The following CSMD1 variants were observed in gnomAD, a reference collection of about 807,000 sequenced individuals.
CSMD1 encodes CUB and Sushi multiple domains 1, also known as CUB and sushi domain-containing protein 1.
In CSMD1, 213 loss-of-function variants were observed where a neutral mutation model predicts 417.5. That is an observed-to-expected ratio of 0.51 (90% CI 0.46 to 0.57). The LOEUF (loss-of-function observed/expected upper bound fraction) is 0.57. Ranked by LOEUF, CSMD1 falls within the 20% of genes least tolerant of loss-of-function variation. The pLI is 0.00. For synonymous variants in CSMD1, 2,862 were observed against 1,736.8 expected, an observed-to-expected ratio of 1.65 and a Z score of -16.11; for missense variants, 6,923 against 4,529.7, an observed-to-expected ratio of 1.53 and a Z score of -15.17.
intron 50 of CSMD1, among the ~76,000 whole-genome samples, chr8:3,048,453 C>T (rs568173613): frequency 2.2e-4 from 34 of 152,156 alleles, no homozygotes; most frequent in African/African-American, 7.0e-4. Flanking sequence ...CAATGAACTT[C>T]GAGCAGAAGA....
chr8:3,981,881 T>C (rs1050486175), intron 5 of CSMD1, among the ~76,000 whole-genome samples: 4 of 152,082 alleles, frequency 2.6e-5, no homozygotes, highest in Non-Finnish European at 5.9e-5. Context: ...ATCTGTGAAG[T>C]TTCCTGTCAT....
rs114566732 is a variant in CSMD1 at position 4,587,124 on chromosome 8, G to A, written c.302+50218C>T. On this transcript the variant is annotated intron_variant, in intron 2 of 69. Transcript: ENST00000635120. ...CTACAGAGGCCAATAGATTAGGTGCGCTCTCTTCTTCCACATTGATTTTTC... is the reference window on the plus strand; with the variant it reads ...CTACAGAGGCCAATAGATTAGGTGCACTCTCTTCTTCCACATTGATTTTTC... 4.1e-3 allele frequency among the ~76,000 whole-genome samples: 617 copies of A among 152,134 alleles called. 7 individuals are homozygous for A. The highest frequency in any genetic ancestry group is 0.014 in the African/African-American group (586 of 41,526).
chr8:4,371,607 T>C lies in CSMD1; in HGVS notation c.415+48346A>G, dbSNP rs1007940356. Among the ~76,000 whole-genome samples, 8 of 152,228 alleles carry C rather than the reference T, an allele frequency of 5.3e-5. No individual in the cohort carries two copies. The South Asian group carries it at 8.3e-4, about 16-fold the overall frequency. On this transcript the variant is annotated intron_variant, in intron 3 of 69. Coordinates refer to ENST00000635120, the MANE Select transcript of CSMD1 (RefSeq NM_033225.6). ...TCAAAATGCTGATTTCTCTGCTTCA[T>C]AAAAATTCATCTTACTGCACAAATT... is the stretch of plus-strand genomic sequence containing the variant.
intron 26 of CSMD1, among the ~76,000 whole-genome samples, chr8:3,277,234 G>T (rs954918581): frequency 3.9e-5 from 6 of 152,194 alleles, no homozygotes; most frequent in African/African-American, 1.2e-4. Context: ...ATTTTTGGCA[G>T]TGGGGAGAAT....
intron 5 of CSMD1, among the ~76,000 whole-genome samples, chr8:3,926,049 C>T (rs1488929356): frequency 2.7e-5 from 1 of 37,382 alleles, no homozygotes; most frequent in African/African-American, 2.0e-4. Flanking sequence ...ACACAAACAC[C>T]ATATACACAC....
chr8:4,706,058 A>G (rs559049179), intron 1 of CSMD1, among the ~76,000 whole-genome samples: 3 of 150,924 alleles, frequency 2.0e-5, no homozygotes, highest in South Asian at 4.2e-4. Flanking sequence ...TTTTATATAT[A>G]CACAATACAT....
intron 56 of CSMD1, among the ~76,000 whole-genome samples, chr8:2,973,758 C>T (rs560901356): frequency 1.3e-4 from 19 of 151,524 alleles, no homozygotes; most frequent in African/African-American, 4.6e-4. Flanking sequence ...AAGAAACATT[C>T]GTGAAAAAAA....
At chr8:4,687,046 A>G (rs905625502) in intron 1 of CSMD1, among the ~76,000 whole-genome samples, 1 of 152,200 alleles carries the variant, frequency 6.6e-6, no homozygotes, top group Non-Finnish European at 1.5e-5. Flanking sequence ...CCCATGGCAG[A>G]TGTCTTCTGA....
At chr8:3,753,093 G>C (rs1019876070) in intron 6 of CSMD1, among the ~76,000 whole-genome samples, 1 of 152,180 alleles carries the variant, frequency 6.6e-6, no homozygotes, top group South Asian at 2.1e-4. Context: ...TGGCACTGCA[G>C]GGCTTGGTGT....
At chr8:3,348,322 G>C (rs984883865) in intron 21 of CSMD1, among the ~76,000 whole-genome samples, 161 bp from the exon 22 acceptor site, 6 of 151,302 alleles carry the variant, frequency 4.0e-5, no homozygotes, top group African/African-American at 1.2e-4. Flanking sequence ...TTTATTGTTT[G>C]ACCAACTGGA....
chr8:4,369,994 G>C lies in CSMD1; in HGVS notation c.415+49959C>G, dbSNP rs540494722. Among the ~76,000 whole-genome samples the C allele has an allele frequency of 1.1e-3, 161 of 152,128 alleles. 1 individual carries two copies. The South Asian group carries it at 0.013, about 12-fold the overall frequency. On this transcript the variant is annotated intron_variant, in intron 3 of 69. Transcript: ENST00000635120. ...TGAGAATTGTATCTATCATCTTGCT[G>C]TAAGCTGGTTCTTATGTAGACTTAG...
chr8:4,916,002 G>C (rs929641828), intron 1 of CSMD1, among the ~76,000 whole-genome samples: 5 of 152,146 alleles, frequency 3.3e-5, no homozygotes, highest in African/African-American at 1.2e-4. Flanking sequence ...CAGCTTGCAA[G>C]AGCTACACCT....
At position 2,938,534 on chromosome 8, in the gene CSMD1, C is replaced by T; in HGVS notation, c.*51G>A. 1 of 1,550,858 alleles carries T rather than the reference C, an allele frequency of 6.4e-7. No individual in the cohort carries two copies. On this transcript the variant is annotated 3_prime_UTR_variant, in exon 70 of 70. Transcript: ENST00000635120. ...GTATATGGCACCAAAGGAATCACTG[C>T]TTGTCCATCAGAGGTATGGCTATGA...
chr8:4,933,998 CTT>C (rs71515690), intron 1 of CSMD1, among the ~76,000 whole-genome samples: 2 of 151,322 alleles, frequency 1.3e-5, no homozygotes, highest in African/African-American at 4.8e-5. Context: ...TACGTTTATG[CTT>C]TTTTTTTAAA....
At chr8:4,067,278 T>A (rs1039667690) in intron 3 of CSMD1, among the ~76,000 whole-genome samples, 2 of 152,226 alleles carry the variant, frequency 1.3e-5, no homozygotes, top group African/African-American at 4.8e-5. Flanking sequence ...ATAGCCGAGA[T>A]AGAATTTTTT....
chr8:4,420,120 A>C (rs1797165132), intron 2 of CSMD1, 55 bp from the exon 3 acceptor site: 2 of 1,332,766 alleles, frequency 1.5e-6, no homozygotes, highest in East Asian at 5.1e-5. Context: ...TTGTCAAAAA[A>C]AGCTTATTTG....
intron 3 of CSMD1, among the ~76,000 whole-genome samples, chr8:4,317,769 C>G (rs1799019528): frequency 6.6e-6 from 1 of 152,118 alleles, no homozygotes; most frequent in African/African-American, 2.4e-5. Context: ...CACACTGCCC[C>G]AGAAGTTTTC....
intron 2 of CSMD1, among the ~76,000 whole-genome samples, chr8:4,522,162 C>G (rs994772090): frequency 4.6e-5 from 7 of 152,046 alleles, no homozygotes; most frequent in South Asian, 2.1e-4. Context: ...CTGGGCTGTT[C>G]TCGTGATAGT....
Position 3,359,196 on chromosome 8 carries a change from C to T in CSMD1, c.3260G>A (p.Gly1087Asp). ...TGCACTCCACACACGGCGGCCCCCA[C>T]CCAGGCAGGTAAGCTTGGTGGCACC... The part of the protein sequence containing the change: ...LEGATKLTCL[G>D]GGRRVWSAPL... Residue 1087 changes from glycine to aspartate, a missense_variant, in exon 21 of 70, where the codon GGT becomes GAT. By Grantham distance (94) the Gly-to-Asp change is moderately conservative. Transcript: ENST00000635120. 1 of 1,613,960 alleles carries T rather than the reference C, an allele frequency of 6.2e-7. No homozygotes were observed. The highest frequency in any genetic ancestry group is 8.5e-7 in the Non-Finnish European group (1 of 1,179,938).
Sources: gnomAD v4.1 joint callset for allele counts (sites outside exome capture counted in the v4.1 genomes callset) on GRCh38, gnomAD v4.1.1 for gene constraint, MANE v1.5 for transcripts, NCBI Gene and HGNC (gene_info 2026-07-23, HGNC 2026-07-21) for gene names.